Variants in GRIA4 observed in about 807,000 individuals in gnomAD.
The protein encoded by GRIA4 is glutamate ionotropic receptor AMPA type subunit 4.
A neutral mutation model predicts 104.0 loss-of-function variants in GRIA4; 34 were observed. That is an observed-to-expected ratio of 0.33 (90% CI 0.25 to 0.44). GRIA4 has a LOEUF of 0.44. Ranked by LOEUF, GRIA4 falls within the 20% of genes least tolerant of loss-of-function variation. GRIA4 has a pLI of 1.00. For synonymous variants in GRIA4, 386 were observed against 381.9 expected (o/e 1.01, Z -0.13); for missense variants, 750 against 1,096.5 (o/e 0.68, Z 4.46).
At chr11:105,890,077 G>A (rs1946405425) in intron 6 of GRIA4, among the ~76,000 whole-genome samples, 1 of 152,078 alleles carries the variant, frequency 6.6e-6, no homozygotes. Flanking sequence ...TAGTCATAAT[G>A]TAGAATATAA....
In GRIA4 at chr11:105,889,851, T is replaced by C. The variant is rs891723713; in HGVS notation, c.726+2279T>C. Among the ~76,000 whole-genome samples the C allele has an allele frequency of 1.9e-4, 29 of 152,200 alleles. 1 individual carries two copies. Among genetic ancestry groups the C allele is most frequent in the African/African-American group, 7.0e-4 (29 of 41,456 alleles). On this transcript the variant is annotated intron_variant, in intron 6 of 16. Transcript: ENST00000282499. ...TGCAAGGTGAATATACAACAGTTTA[T>C]TGTATGTCTATATGCTAGCAATAAT...
intron 3 of GRIA4, among the ~76,000 whole-genome samples, chr11:105,692,175 T>G (rs547466420): frequency 6.6e-6 from 1 of 151,920 alleles, no homozygotes; most frequent in African/African-American, 2.4e-5. Flanking sequence ...GATAGAATAA[T>G]AGTTCCCATT....
intron 14 of GRIA4, among the ~76,000 whole-genome samples, chr11:105,953,832 T>C (rs1226599421): frequency 6.6e-6 from 1 of 152,172 alleles, no homozygotes; most frequent in African/African-American, 2.4e-5. Flanking sequence ...AAAGACTTTT[T>C]CTTAGGGTCT....
chr11:105,931,001 T>C (rs1270723575), intron 13 of GRIA4, among the ~76,000 whole-genome samples: 2 of 152,106 alleles, frequency 1.3e-5, no homozygotes, highest in East Asian at 1.9e-4. Context: ...AAATTATCAA[T>C]ATAGATATTG....
intron 14 of GRIA4, among the ~76,000 whole-genome samples, chr11:105,955,857 G>A (rs917663089): frequency 2.6e-5 from 4 of 151,956 alleles, no homozygotes; most frequent in South Asian, 2.1e-4. Flanking sequence ...TTTGATTTGC[G>A]TTTCTCTAAT....
chr11:105,727,910 C>T (rs969057074), intron 3 of GRIA4, among the ~76,000 whole-genome samples: 7 of 152,134 alleles, frequency 4.6e-5, no homozygotes, highest in Non-Finnish European at 1.0e-4. Context: ...CAGTACCAGC[C>T]ACTGCAAAAA....
At chr11:105,762,690 A>G (rs908078786) in intron 4 of GRIA4, among the ~76,000 whole-genome samples, 5 of 152,152 alleles carry the variant, frequency 3.3e-5, no homozygotes, top group Admixed American at 6.5e-5. Context: ...TAGATAGTGA[A>G]TAAGTCTCAC....
chr11:105,943,765 C>T (rs927169532), intron 14 of GRIA4, among the ~76,000 whole-genome samples: 1 of 151,970 alleles, frequency 6.6e-6, no homozygotes, highest in Non-Finnish European at 1.5e-5. Flanking sequence ...AAGTGACTAC[C>T]ATGGATGAAA....
chr11:105,713,536 T>C (rs1294663596), intron 3 of GRIA4, among the ~76,000 whole-genome samples: 3 of 152,190 alleles, frequency 2.0e-5, no homozygotes, highest in Non-Finnish European at 4.4e-5. Flanking sequence ...ATAAAAGCAA[T>C]GCTTAATTTA....
chr11:105,725,398 A>G (rs1938130234), intron 3 of GRIA4, among the ~76,000 whole-genome samples: 1 of 152,172 alleles, frequency 6.6e-6, no homozygotes, highest in Admixed American at 6.6e-5. Context: ...CACTCATGCC[A>G]TTGCCTGGTT....
At chr11:105,925,033 T>C (rs1947666779) in intron 12 of GRIA4, among the ~76,000 whole-genome samples, 1 of 152,118 alleles carries the variant, frequency 6.6e-6, no homozygotes, top group Non-Finnish European at 1.5e-5. Context: ...CATTCATTGG[T>C]TTGACAAATG....
At chr11:105,798,541 G>T (rs536598373) in intron 4 of GRIA4, among the ~76,000 whole-genome samples, 15 of 152,246 alleles carry the variant, frequency 9.9e-5, no homozygotes, top group Admixed American at 3.3e-4. Context: ...AAGAAAAGGA[G>T]TGACATAATC....
intron 4 of GRIA4, among the ~76,000 whole-genome samples, chr11:105,841,994 AT>A (rs1944411738): frequency 6.6e-6 from 1 of 152,080 alleles, no homozygotes; most frequent in Non-Finnish European, 1.5e-5. Flanking sequence ...GTGTTTTTTA[AT>A]TTTTTAAATT....
chr11:105,827,137 C>G (rs761001091), intron 4 of GRIA4, among the ~76,000 whole-genome samples: 8 of 151,992 alleles, frequency 5.3e-5, no homozygotes, highest in Non-Finnish European at 8.8e-5. Flanking sequence ...ACACTACTGA[C>G]AAGCTAACAA....
At chr11:105,655,466 C>A (rs1951816095) in intron 3 of GRIA4, among the ~76,000 whole-genome samples, 1 of 152,036 alleles carries the variant, frequency 6.6e-6, no homozygotes, top group African/African-American at 2.4e-5. Flanking sequence ...TTAGGTATTT[C>A]TTCTAATGCT....
At chr11:105,839,101 C>T (rs1050803252) in intron 4 of GRIA4, among the ~76,000 whole-genome samples, 1 of 152,058 alleles carries the variant, frequency 6.6e-6, no homozygotes, top group African/African-American at 2.4e-5. Context: ...CCTCTACTGC[C>T]AAGGCTGAGT....
chr11:105,954,215 C>A (rs1048316730), intron 14 of GRIA4, among the ~76,000 whole-genome samples: 1 of 152,124 alleles, frequency 6.6e-6, no homozygotes, highest in East Asian at 1.9e-4. Flanking sequence ...AGGGACAAAA[C>A]CAACTGAACC....
At chr11:105,750,282 A>G (rs1939923882) in intron 3 of GRIA4, among the ~76,000 whole-genome samples, 1 of 152,162 alleles carries the variant, frequency 6.6e-6, no homozygotes, top group Non-Finnish European at 1.5e-5. Context: ...CTATCCTCAC[A>G]CACACAAAAC....
At chr11:105,916,989 A>G (rs1477902861) in intron 10 of GRIA4, among the ~76,000 whole-genome samples, 2 of 152,196 alleles carry the variant, frequency 1.3e-5, no homozygotes, top group Non-Finnish European at 2.9e-5. Flanking sequence ...ATTAGCTCCT[A>G]ATAACTATTA....
Sources: allele counts gnomAD v4.1 joint callset (sites outside exome capture counted in the v4.1 genomes callset), GRCh38; gene constraint gnomAD v4.1.1; transcripts MANE v1.5; gene names NCBI Gene and HGNC (gene_info 2026-07-23, HGNC 2026-07-21).